Variants in TNPO2 observed in about 807,000 individuals in gnomAD.
The protein encoded by TNPO2 is transportin 2, also known as transportin-2.
TNPO2 carries 16 observed loss-of-function variants against 111.1 expected under a neutral mutation model. That is an observed-to-expected ratio of 0.14 (90% CI 0.10 to 0.22). The LOEUF (loss-of-function observed/expected upper bound fraction) is 0.22, where lower values mean the gene tolerates loss of function less well. Among genes scored for constraint, TNPO2 ranks in the 10% least tolerant of loss-of-function variants. TNPO2 has a pLI of 1.00. For missense variants in TNPO2, 530 were observed against 1,173.7 expected (o/e 0.45, Z 8.01); for synonymous variants, 481 against 475.8 (o/e 1.01, Z -0.14).
intron 3 of TNPO2, 136 bp downstream of exon 3, chr19:12,720,743 C>T: frequency 1.9e-6 from 2 of 1,068,930 alleles, no homozygotes; most frequent in Non-Finnish European, 2.6e-6. Flanking sequence ...TAATCCTTCT[C>T]TGTCCAGGGC....
At chr19:12,708,673 C>T (rs995023704) in intron 13 of TNPO2, among the ~76,000 whole-genome samples, 2 of 151,740 alleles carry the variant, frequency 1.3e-5, no homozygotes, top group Non-Finnish European at 2.9e-5. Context: ...TCGAAACCAG[C>T]TTGACCAACA....
intron 18 of TNPO2, among the ~76,000 whole-genome samples, chr19:12,704,397 G>T (rs546297970): frequency 6.6e-6 from 1 of 151,820 alleles, no homozygotes; most frequent in South Asian, 2.1e-4. Flanking sequence ...GGTGGGGGGG[G>T]CATAGTGTTT....
chr19:12,713,081 ACT>A (rs1190928613), intron 10 of TNPO2, among the ~76,000 whole-genome samples: 1 of 152,140 alleles, frequency 6.6e-6, no homozygotes, highest in Non-Finnish European at 1.5e-5. Flanking sequence ...AGGCCTGGCC[ACT>A]CAGTGGATTA....
Position 12,715,594 on chromosome 19 carries a change from C to T in TNPO2, c.432+39G>A. 6.2e-7 allele frequency: 1 copy of T among 1,613,618 alleles called. No homozygotes were observed. Among genetic ancestry groups the T allele is most frequent in the South Asian group, 1.1e-5 (1 of 91,056 alleles). On this transcript the variant is annotated intron_variant, in intron 6 of 25. Transcript: ENST00000425528. The surrounding 1 kb of genome is among the most constrained non-coding windows in gnomAD (Gnocchi z 7.1). ...GGGTGGTGGGTGGTGGTCCCAGCCC[C>T]CCAGTACTCGCTCTGGCCATCCATG...
chr19:12,702,447 TGCAGTG>T lies in TNPO2; in HGVS notation c.2306-276_2306-271del. The stretch of plus-strand genomic sequence containing the variant: ...TCTTGCTCTGTTGCCCAGGCTGGAG[TGCAGTG>T]GCATGATCTTGGCTCATTGCAACCT... On this transcript the variant is annotated intron_variant, in intron 21 of 25. Transcript: ENST00000425528. This position sits in a 1 kb window ranked among gnomAD's most constrained non-coding sequence, Gnocchi z 5.5. 1 of 617,772 alleles carries T rather than the reference TGCAGTG, an allele frequency of 1.6e-6. No homozygotes were observed. The highest frequency in any genetic ancestry group is 3.0e-6 in the Non-Finnish European group (1 of 335,752). 38.3% of individuals were successfully genotyped at this position (617,772 alleles called of 1,614,324 possible).
Position 12,701,530 on chromosome 19 carries a change from C to T in TNPO2, c.2586+68G>A. Reference sequence around the variant, plus strand: ...CGCCTCTTCCCCCATCCCCAGGCCCCATTGTTACCAGATGGTCTCACCCCT... The same window carrying T: ...CGCCTCTTCCCCCATCCCCAGGCCCTATTGTTACCAGATGGTCTCACCCCT... On this transcript the variant is annotated intron_variant, in intron 24 of 25. Transcript: ENST00000425528. This position sits in a 1 kb window ranked among gnomAD's most constrained non-coding sequence, Gnocchi z 5.0. The T allele has an allele frequency of 6.2e-7, 1 of 1,601,702 alleles. No individual in the cohort carries two copies. The highest frequency in any genetic ancestry group is 8.6e-7 in the Non-Finnish European group (1 of 1,169,072).
chr19:12,718,303 C>A (rs2026478027), intron 5 of TNPO2, among the ~76,000 whole-genome samples: 1 of 151,492 alleles, frequency 6.6e-6, no homozygotes, highest in South Asian at 2.1e-4. Context: ...GTAGCTGGGA[C>A]CACAGGCGAG....
chr19:12,712,428 C>A (rs2026117543), intron 10 of TNPO2, among the ~76,000 whole-genome samples: 1 of 152,182 alleles, frequency 6.6e-6, no homozygotes, highest in Non-Finnish European at 1.5e-5. Context: ...CCGCAGTTAT[C>A]CGGAGGCCTA....
In TNPO2 at chr19:12,717,805, T is replaced by C. The variant is rs887260236; in HGVS notation, c.325+1224A>G. ...AATTCTCCTGCCTCAGCCTCTCGAG[T>C]AGCTGGGATTACAGGTGCCCACCAG... On this transcript the variant is annotated intron_variant, in intron 5 of 25. Coordinates refer to ENST00000425528, the MANE Select transcript of TNPO2 (RefSeq NM_001382241.1). 1.7e-4 allele frequency among the ~76,000 whole-genome samples: 26 copies of C among 151,108 alleles called. 1 individual carries two copies. In the East Asian group the frequency reaches 2.9e-3, roughly 17 times the overall value.
intron 3 of TNPO2, 67 bp downstream of exon 3, chr19:12,720,812 C>T (rs1014655800): frequency 5.2e-5 from 79 of 1,522,686 alleles, no homozygotes; most frequent in Non-Finnish European, 6.5e-5. Context: ...CTCTCTTTCT[C>T]TCTCTGGCCT....
intron 10 of TNPO2, among the ~76,000 whole-genome samples, chr19:12,711,878 T>C (rs975415935): frequency 1.3e-5 from 2 of 151,790 alleles, no homozygotes; most frequent in Non-Finnish European, 2.9e-5. Flanking sequence ...TTTTTTTTTT[T>C]TTTCTTAAGA....
In TNPO2 at chr19:12,701,306, G is replaced by A. The variant is rs1483342282; in HGVS notation, c.*20+20C>T. On this transcript the variant is annotated intron_variant, in intron 25 of 25. Coordinates refer to ENST00000425528, the MANE Select transcript of TNPO2 (RefSeq NM_001382241.1). This position sits in a 1 kb window ranked among gnomAD's most constrained non-coding sequence, Gnocchi z 5.0. ...TCGGCCCCCAAGACAGTGCTGACTT[G>A]CCAGCTGCAGTCTCCTTACCTGGCA... The A allele has an allele frequency of 6.5e-7, 1 of 1,540,316 alleles. No homozygotes were observed. Among genetic ancestry groups the A allele is most frequent in the African/African-American group, 1.4e-5 (1 of 72,978 alleles).
Position 12,706,167 on chromosome 19 carries a change from G to A in TNPO2, c.1668+29C>T, listed in dbSNP as rs369065169. 3.9e-5 allele frequency: 62 copies of A among 1,606,846 alleles called. No homozygotes were observed. Among genetic ancestry groups the A allele is most frequent in the African/African-American group, 2.1e-4 (16 of 74,878 alleles). ...CTGGATGCCCAGGGGCACGGGGATC[G>A]GGAGGCGGGAGCCGCTCTGGGGTCT... On this transcript the variant is annotated intron_variant, in intron 15 of 25. Coordinates refer to ENST00000425528, the MANE Select transcript of TNPO2 (RefSeq NM_001382241.1). The surrounding 1 kb of genome is among the most constrained non-coding windows in gnomAD (Gnocchi z 7.0).
chr19:12,703,352 G>T, intron 20 of TNPO2, 76 bp downstream of exon 20: 1 of 1,383,676 alleles, frequency 7.2e-7, no homozygotes, highest in Non-Finnish European at 1.0e-6. Flanking sequence ...GAAGCTGTCA[G>T]TCAGAGCTAG....
chr19:12,711,881 T>C (rs955662957), intron 10 of TNPO2, among the ~76,000 whole-genome samples: 5 of 151,662 alleles, frequency 3.3e-5, no homozygotes, highest in Admixed American at 6.6e-5. Flanking sequence ...TTTTTTTTTT[T>C]CTTAAGAAGC....
chr19:12,706,856 GGA>G lies in TNPO2; in HGVS notation c.1271-63_1271-62del. On this transcript the variant is annotated intron_variant, in intron 13 of 25. Transcript: ENST00000425528. The surrounding 1 kb of genome is among the most constrained non-coding windows in gnomAD (Gnocchi z 7.0). ...TTGGGCCCAGCCACACCCACCGTAT[GGA>G]GAGAAGAGTCAGCCGCACACAACAT... 2 of 1,372,048 alleles carry G rather than the reference GGA, an allele frequency of 1.5e-6. No individual in the cohort carries two copies. Among genetic ancestry groups the G allele is most frequent in the Non-Finnish European group, 2.0e-6 (2 of 985,622 alleles). The allele number at this position is 1,372,048 out of a possible 1,614,324, so 85.0% of individuals were successfully genotyped here.
chr19:12,719,021 C>G lies in TNPO2; in HGVS notation c.325+8G>C. 6.2e-7 allele frequency: 1 copy of G among 1,613,174 alleles called. No individual in the cohort carries two copies. On this transcript the variant is annotated splice_region_variant and intron_variant, in intron 5 of 25. Transcript: ENST00000425528. The surrounding 1 kb of genome is among the most constrained non-coding windows in gnomAD (Gnocchi z 5.0). ...TCCTCAGAGGCCAACCCCCGCTGCC[C>G]CTCTCACCAATGGTGGCTCGGATGA...
intron 19 of TNPO2, 91 bp from the exon 20 acceptor site, chr19:12,703,617 T>C: frequency 6.4e-7 from 1 of 1,569,640 alleles, no homozygotes; most frequent in Admixed American, 1.7e-5. Flanking sequence ...ACAGTACGAA[T>C]ACATCCCAAT....
chr19:12,720,527 C>T (rs2026622746), intron 3 of TNPO2, among the ~76,000 whole-genome samples: 1 of 151,810 alleles, frequency 6.6e-6, no homozygotes, highest in Non-Finnish European at 1.5e-5. Flanking sequence ...CCCTATGTTG[C>T]CCAGGCTGGT....
Sources: allele counts gnomAD v4.1 joint callset (sites outside exome capture counted in the v4.1 genomes callset), GRCh38; gene constraint gnomAD v4.1.1; non-coding constraint Gnocchi (gnomAD v3.1); transcripts MANE v1.5; gene names NCBI Gene and HGNC (gene_info 2026-07-23, HGNC 2026-07-21).